The following COX7B2 variants were observed in gnomAD, a reference collection of about 807,000 sequenced individuals.
COX7B2 encodes cytochrome c oxidase subunit 7B2, mitochondrial.
For missense variants in COX7B2, 109 were observed against 95.9 expected (o/e 1.14, Z -0.57); for synonymous variants, 37 against 32.1 (o/e 1.15, Z -0.51).
chr4:46,754,722 G>A (rs186874092), intron 2 of COX7B2, among the ~76,000 whole-genome samples: 6,064 of 29,230 alleles, frequency 0.21, 370 homozygotes, highest in Middle Eastern at 0.29. Flanking sequence ...GTGTGTGTGT[G>A]TGTGTGTATA....
chr4:46,820,305 G>A (rs758422966), intron 2 of COX7B2, among the ~76,000 whole-genome samples: 21 of 152,214 alleles, frequency 1.4e-4, no homozygotes, highest in Admixed American at 1.2e-3. Context: ...CAGGGTTTCC[G>A]GTCCCATGAG....
chr4:46,832,117 C>T (rs547042338), intron 2 of COX7B2, among the ~76,000 whole-genome samples: 17 of 150,392 alleles, frequency 1.1e-4, no homozygotes, highest in Middle Eastern at 6.9e-3. Context: ...GCAACCTGCT[C>T]GGGTCCCCTT....
At chr4:46,879,532 TA>T (rs33953524) in intron 1 of COX7B2, among the ~76,000 whole-genome samples, 20,259 of 151,894 alleles carry the variant, frequency 0.13, 1,469 homozygotes, top group South Asian at 0.25. Flanking sequence ...CAATGAAATG[TA>T]AATTATAGGC....
intron 2 of COX7B2, among the ~76,000 whole-genome samples, chr4:46,807,209 T>G (rs188169284): frequency 1.3e-5 from 2 of 152,008 alleles, no homozygotes; most frequent in African/African-American, 4.8e-5. Flanking sequence ...ATAGCCATCC[T>G]AACAGGTGTG....
intron 1 of COX7B2, among the ~76,000 whole-genome samples, chr4:46,907,163 C>T (rs559834932): frequency 1.3e-5 from 2 of 152,146 alleles, no homozygotes; most frequent in Non-Finnish European, 2.9e-5. Flanking sequence ...AACAACTAAA[C>T]TCTTAAACTC....
chr4:46,770,374 T>C (rs1716806436), intron 2 of COX7B2, among the ~76,000 whole-genome samples: 1 of 152,198 alleles, frequency 6.6e-6, no homozygotes, highest in Non-Finnish European at 1.5e-5. Context: ...TAATACCTTA[T>C]GTTCATGAGT....
intron 1 of COX7B2, among the ~76,000 whole-genome samples, chr4:46,861,788 G>A (rs1042513381): frequency 6.6e-6 from 1 of 152,128 alleles, no homozygotes; most frequent in East Asian, 1.9e-4. Context: ...TGCCAGTTTT[G>A]CTGGATAACC....
intron 2 of COX7B2, among the ~76,000 whole-genome samples, chr4:46,769,635 G>A (rs573798384): frequency 6.6e-6 from 1 of 152,200 alleles, no homozygotes; most frequent in Non-Finnish European, 1.5e-5. Context: ...AGAATCACCT[G>A]AGCCTGGGAG....
In COX7B2 at chr4:46,881,192, C is replaced by A. The variant is rs182596266; in HGVS notation, c.-105+27968G>T. Among the ~76,000 whole-genome samples, 92 of 152,172 alleles carry A rather than the reference C, an allele frequency of 6.0e-4. 1 individual carries two copies. The highest frequency in any genetic ancestry group is 2.2e-3 in the African/African-American group (90 of 41,534). On this transcript the variant is annotated intron_variant, in intron 1 of 2. Coordinates refer to ENST00000355591, the MANE Select transcript of COX7B2 (RefSeq NM_130902.3). The stretch of plus-strand genomic sequence containing the variant: ...ATGACAGAGCCTCAGGAAGACCTGA[C>A]GACATGTGCCCAAGGTGGTCAGGGC...
intron 1 of COX7B2, among the ~76,000 whole-genome samples, chr4:46,860,971 C>A (rs1344577256): frequency 6.6e-6 from 1 of 152,138 alleles, no homozygotes; most frequent in Non-Finnish European, 1.5e-5. Context: ...CTGGCCAATA[C>A]CCAGGTGCTG....
chr4:46,901,222 A>T (rs960255852), intron 1 of COX7B2, among the ~76,000 whole-genome samples: 1 of 152,192 alleles, frequency 6.6e-6, no homozygotes, highest in East Asian at 1.9e-4. Context: ...CACTGCCTCA[A>T]CATGAATATT....
intron 2 of COX7B2, among the ~76,000 whole-genome samples, chr4:46,789,935 C>G (rs1717949563): frequency 6.6e-6 from 1 of 151,774 alleles, no homozygotes; most frequent in Admixed American, 6.6e-5. Flanking sequence ...AAGTGAGACT[C>G]TCTCTGGAAT....
At position 46,898,900 on chromosome 4, in the gene COX7B2, GA is replaced by G. The variant is rs1308110107; in HGVS notation, c.-105+10259del. On this transcript the variant is annotated intron_variant, in intron 1 of 2. Coordinates refer to ENST00000355591, the MANE Select transcript of COX7B2 (RefSeq NM_130902.3). ...AATTAGATTATCAAATTCACTGATA[GA>G]ATTAATCAATGAACACAGTGTACCA... is the stretch of plus-strand genomic sequence containing the variant. Among the ~76,000 whole-genome samples, 3 of 152,204 alleles carry G rather than the reference GA, an allele frequency of 2.0e-5. No homozygotes were observed. In the East Asian group the frequency reaches 5.8e-4, roughly 29 times the overall value.
chr4:46,856,884 A>G lies in COX7B2; in HGVS notation c.-104-11870T>C, dbSNP rs182377358. On this transcript the variant is annotated intron_variant, in intron 1 of 2. Coordinates refer to ENST00000355591, the MANE Select transcript of COX7B2 (RefSeq NM_130902.3). The stretch of plus-strand genomic sequence containing the variant: ...ACCAGAAAACATCACAACTATAGTA[A>G]TTTCAGAATTTCACAGATAGGTGAA... 6.8e-3 allele frequency among the ~76,000 whole-genome samples: 1,041 copies of G among 152,336 alleles called. 9 individuals are homozygous for G. Among genetic ancestry groups the G allele is most frequent in the Middle Eastern group, 0.017 (5 of 294 alleles).
Position 46,844,948 on chromosome 4 carries a change from T to C in COX7B2, c.-50+12A>G, listed in dbSNP as rs1455969895. Reference sequence around the variant, plus strand: ...GTAGGTAGTGTGGGTCTTTTCCATATTTTCTCGTTACCTGTTAGAAATCTG... The same window carrying C: ...GTAGGTAGTGTGGGTCTTTTCCATACTTTCTCGTTACCTGTTAGAAATCTG... On this transcript the variant is annotated intron_variant, in intron 2 of 2. Coordinates refer to ENST00000355591, the MANE Select transcript of COX7B2 (RefSeq NM_130902.3). 1 of 151,986 alleles carries C rather than the reference T, an allele frequency of 6.6e-6. No individual in the cohort carries two copies. The highest frequency in any genetic ancestry group is 1.5e-5 in the Non-Finnish European group (1 of 67,944). The allele number at this position is 151,986 out of a possible 1,614,324, so 9.4% of individuals were successfully genotyped here.
chr4:46,809,640 G>A (rs980968727), intron 2 of COX7B2, among the ~76,000 whole-genome samples: 4 of 151,610 alleles, frequency 2.6e-5, no homozygotes, highest in Non-Finnish European at 5.9e-5. Context: ...TACTCAATAG[G>A]ACTTAAATAT....
intron 1 of COX7B2, among the ~76,000 whole-genome samples, chr4:46,846,182 C>T (rs1483787093): frequency 3.9e-5 from 6 of 152,026 alleles, no homozygotes; most frequent in Non-Finnish European, 7.4e-5. Flanking sequence ...AGACTAACTG[C>T]GTTATTTGTT....
At chr4:46,740,157 A>T (rs1483250224) in intron 2 of COX7B2, among the ~76,000 whole-genome samples, 1 of 152,010 alleles carries the variant, frequency 6.6e-6, no homozygotes, top group African/African-American at 2.4e-5. Flanking sequence ...TTAATGCAAA[A>T]AGAATGGATG....
chr4:46,849,515 T>G (rs891348546), intron 1 of COX7B2, among the ~76,000 whole-genome samples: 31 of 152,102 alleles, frequency 2.0e-4, no homozygotes, highest in African/African-American at 6.8e-4. Context: ...CAATAAGCAT[T>G]GACTGATTAG....
Sources: allele counts gnomAD v4.1 joint callset (sites outside exome capture counted in the v4.1 genomes callset), GRCh38; gene constraint gnomAD v4.1.1; transcripts MANE v1.5; gene names NCBI Gene and HGNC (gene_info 2026-07-23, HGNC 2026-07-21).